Variants in KCNK13 observed in about 807,000 individuals in gnomAD.
KCNK13 encodes potassium two pore domain channel subfamily K member 13.
In KCNK13, 12 loss-of-function variants were observed where a neutral mutation model predicts 23.4. The ratio of observed to expected loss-of-function variants is 0.51; its 90% CI spans 0.33 to 0.83. The LOEUF is 0.83. Ranked by LOEUF, KCNK13 falls within the 40% of genes least tolerant of loss-of-function variation. KCNK13 has a pLI of 0.02. For missense variants in KCNK13, 463 were observed against 556.3 expected (o/e 0.83, Z 1.69); for synonymous variants, 231 against 229.5 (o/e 1.01, Z -0.06).
chr14:90,101,805 A>AAAAAAAAAAAAAAAAAAAAAAAAAC (rs1889483180), intron 1 of KCNK13, among the ~76,000 whole-genome samples: 2 of 150,166 alleles, frequency 1.3e-5, no homozygotes, highest in African/African-American at 4.9e-5. Flanking sequence ...AAAAAAAAAA[A>AAAAAAAAAAAAAAAAAAAAAAAAAC]AAAAAAACCT....
chr14:90,168,806 C>T (rs1484575628), intron 1 of KCNK13, among the ~76,000 whole-genome samples: 1 of 152,186 alleles, frequency 6.6e-6, no homozygotes, highest in Non-Finnish European at 1.5e-5. Flanking sequence ...CAAATCTCAC[C>T]TTGAATTGTA....
At chr14:90,146,419 G>T (rs1305966820) in intron 1 of KCNK13, among the ~76,000 whole-genome samples, 1 of 152,082 alleles carries the variant, frequency 6.6e-6, no homozygotes, top group South Asian at 2.1e-4. Context: ...GGGTTCAAGC[G>T]ATTCTCCTGT....
intron 1 of KCNK13, among the ~76,000 whole-genome samples, chr14:90,179,630 T>C (rs570177825): frequency 1.3e-5 from 2 of 152,262 alleles, no homozygotes; most frequent in East Asian, 3.9e-4. Flanking sequence ...TCATTCGCCG[T>C]TGGTTCTCGA....
intron 1 of KCNK13, among the ~76,000 whole-genome samples, chr14:90,092,587 A>G (rs528648753): frequency 1.1e-4 from 17 of 152,294 alleles, no homozygotes; most frequent in Middle Eastern, 3.4e-3. Context: ...CAAAAGATAC[A>G]GAAGACCAGC....
intron 1 of KCNK13, among the ~76,000 whole-genome samples, chr14:90,163,712 C>T (rs916260645): frequency 1.5e-4 from 22 of 150,278 alleles, no homozygotes; most frequent in African/African-American, 5.0e-4. Context: ...TATTTAGAGA[C>T]GGAGTCTTGC....
chr14:90,094,528 C>A (rs1190305582), intron 1 of KCNK13, among the ~76,000 whole-genome samples: 1 of 152,166 alleles, frequency 6.6e-6, no homozygotes, highest in African/African-American at 2.4e-5. Flanking sequence ...GTCCTAGCTC[C>A]AGTCAACTGG....
chr14:90,116,873 C>T (rs1159446108), intron 1 of KCNK13, among the ~76,000 whole-genome samples: 3 of 152,122 alleles, frequency 2.0e-5, no homozygotes, highest in Non-Finnish European at 2.9e-5. Flanking sequence ...AAATTAACCA[C>T]GTCAAAATAC....
chr14:90,093,550 C>T (rs146486183), intron 1 of KCNK13, among the ~76,000 whole-genome samples: 2 of 152,070 alleles, frequency 1.3e-5, no homozygotes, highest in Non-Finnish European at 2.9e-5. Context: ...TGCTGTATTC[C>T]GAGGCACCCC....
chr14:90,124,499 G>A (rs1008999353), intron 1 of KCNK13, among the ~76,000 whole-genome samples: 2 of 152,248 alleles, frequency 1.3e-5, no homozygotes, highest in Admixed American at 1.3e-4. Flanking sequence ...CTTTTAGATA[G>A]AGAAAGAGGA....
intron 1 of KCNK13, among the ~76,000 whole-genome samples, chr14:90,164,192 A>G (rs547329585): frequency 7.0e-4 from 107 of 152,354 alleles, no homozygotes; most frequent in Non-Finnish European, 1.3e-3. Flanking sequence ...TGCCAGCTCA[A>G]TTATTATACC....
Position 90,171,279 on chromosome 14 carries a change from C to T in KCNK13, c.335-12832C>T, listed in dbSNP as rs114842897. Among the ~76,000 whole-genome samples the T allele has an allele frequency of 5.2e-3, 799 of 152,278 alleles. 6 individuals are homozygous for T. Among genetic ancestry groups the T allele is most frequent in the African/African-American group, 0.018 (751 of 41,562 alleles). Reference sequence around the variant, plus strand: ...CACATGGGTAGACTATGAAGGAAAACTCATAGAGGCCAGAGAAGGCCAGTT... The same window carrying T: ...CACATGGGTAGACTATGAAGGAAAATTCATAGAGGCCAGAGAAGGCCAGTT... On this transcript the variant is annotated intron_variant, in intron 1 of 1. Coordinates refer to ENST00000282146, the MANE Select transcript of KCNK13 (RefSeq NM_022054.4).
chr14:90,102,045 G>A (rs571865706), intron 1 of KCNK13, among the ~76,000 whole-genome samples: 29 of 151,854 alleles, frequency 1.9e-4, no homozygotes, highest in Admixed American at 6.6e-4. Context: ...TACCACACCC[G>A]GCTAATTTTA....
intron 1 of KCNK13, among the ~76,000 whole-genome samples, chr14:90,080,302 A>G (rs1252279177): frequency 6.6e-6 from 1 of 151,960 alleles, no homozygotes; most frequent in East Asian, 1.9e-4. Context: ...AAAAATACAA[A>G]AAAATTAGCC....
chr14:90,157,353 G>A (rs568838639), intron 1 of KCNK13, among the ~76,000 whole-genome samples: 3 of 152,114 alleles, frequency 2.0e-5, no homozygotes, highest in Non-Finnish European at 4.4e-5. Context: ...TGTCTTAGTA[G>A]TCAAGCACGT....
At chr14:90,107,037 A>G (rs1038782496) in intron 1 of KCNK13, among the ~76,000 whole-genome samples, 3 of 152,104 alleles carry the variant, frequency 2.0e-5, no homozygotes, top group Admixed American at 2.0e-4. Flanking sequence ...AAGAAAGTAC[A>G]TAAATATATA....
At chr14:90,173,732 G>A (rs1462353908) in intron 1 of KCNK13, among the ~76,000 whole-genome samples, 3 of 152,144 alleles carry the variant, frequency 2.0e-5, no homozygotes, top group African/African-American at 7.2e-5. Context: ...AGAATTGTAA[G>A]TCAATACATG....
chr14:90,126,991 C>T (rs914546728), intron 1 of KCNK13, among the ~76,000 whole-genome samples: 1 of 151,960 alleles, frequency 6.6e-6, no homozygotes, highest in African/African-American at 2.4e-5. Flanking sequence ...GGAGACATGA[C>T]TAGTAAATGT....
At chr14:90,167,979 G>C (rs1566650690) in intron 1 of KCNK13, among the ~76,000 whole-genome samples, 1 of 152,134 alleles carries the variant, frequency 6.6e-6, no homozygotes, top group South Asian at 2.1e-4. Flanking sequence ...CTATTTTCCT[G>C]TCGGCCACAA....
At chr14:90,063,537 G>C (rs1029392916) in intron 1 of KCNK13, among the ~76,000 whole-genome samples, 1 of 152,172 alleles carries the variant, frequency 6.6e-6, no homozygotes, top group African/African-American at 2.4e-5. Flanking sequence ...TGGAGCAGGG[G>C]AGGGAGGTTG....
Sources: allele counts gnomAD v4.1 joint callset (sites outside exome capture counted in the v4.1 genomes callset), GRCh38; gene constraint gnomAD v4.1.1; transcripts MANE v1.5; gene names NCBI Gene and HGNC (gene_info 2026-07-23, HGNC 2026-07-21).